ELMOD1: variants seen among roughly 807,000 people sequenced by gnomAD.
ELMOD1 encodes the protein ELMO domain containing 1.
A neutral mutation model predicts 46.7 loss-of-function variants in ELMOD1; 21 were observed. The ratio of observed to expected loss-of-function variants is 0.45; its 90% CI spans 0.32 to 0.65. The LOEUF is 0.65. Ranked by LOEUF, ELMOD1 falls within the 30% of genes least tolerant of loss-of-function variation. The pLI, the probability that ELMOD1 is intolerant of heterozygous loss-of-function variation, is 0.04. For synonymous variants in ELMOD1, 122 were observed against 138.2 expected (o/e 0.88, Z 0.82); for missense variants, 348 against 407.8 (o/e 0.85, Z 1.26).
chr11:107,650,764 C>A, intron 8 of ELMOD1, 121 bp from the exon 9 acceptor site: 1 of 700,888 alleles, frequency 1.4e-6, no homozygotes, highest in South Asian at 2.0e-5. Flanking sequence ...AAGTCAGGGA[C>A]CAAGTGAGAA....
At chr11:107,663,750 C>T (rs1866787089) in intron 11 of ELMOD1, among the ~76,000 whole-genome samples, 1 of 152,024 alleles carries the variant, frequency 6.6e-6, no homozygotes, top group Admixed American at 6.6e-5. Context: ...AGCATTTTTC[C>T]ATACATAGCT....
intron 1 of ELMOD1, among the ~76,000 whole-genome samples, chr11:107,609,377 A>C (rs903927430): frequency 6.6e-6 from 1 of 152,230 alleles, no homozygotes; most frequent in Non-Finnish European, 1.5e-5. Context: ...AAACAGTATG[A>C]GTCCACCAGC....
At chr11:107,616,135 ACAGGTGCCCAC>A (rs1252502949) in intron 1 of ELMOD1, among the ~76,000 whole-genome samples, 1 of 151,038 alleles carries the variant, frequency 6.6e-6, no homozygotes, top group African/African-American at 2.4e-5. Flanking sequence ...AGCTGGGATT[ACAGGTGCCCAC>A]CACCACACCT....
chr11:107,659,369 G>A (rs549017366), intron 11 of ELMOD1, among the ~76,000 whole-genome samples: 1 of 152,148 alleles, frequency 6.6e-6, no homozygotes, highest in Admixed American at 6.5e-5. Flanking sequence ...GCATACTGAG[G>A]GTGAGCTGTT....
At chr11:107,645,383 G>A (rs548659806) in intron 6 of ELMOD1, among the ~76,000 whole-genome samples, 104 of 152,194 alleles carry the variant, frequency 6.8e-4, no homozygotes, top group African/African-American at 2.4e-3. Context: ...GAGTGCAGTA[G>A]TGCTATCTCG....
At chr11:107,603,820 G>A (rs2135655850) in intron 1 of ELMOD1, among the ~76,000 whole-genome samples, 1 of 151,534 alleles carries the variant, frequency 6.6e-6, no homozygotes, top group South Asian at 2.1e-4. Context: ...AGAGGTTGCA[G>A]TGAACCAAGA....
chr11:107,637,792 C>T (rs553813742), intron 6 of ELMOD1, among the ~76,000 whole-genome samples: 1 of 152,264 alleles, frequency 6.6e-6, no homozygotes, highest in South Asian at 2.1e-4. Context: ...CTTATTCTAG[C>T]CATCATCTCC....
intron 11 of ELMOD1, 98 bp from the exon 12 acceptor site, chr11:107,664,927 G>T: frequency 2.7e-6 from 3 of 1,117,872 alleles, no homozygotes; most frequent in Non-Finnish European, 3.9e-6. Context: ...GGTTGCTGTG[G>T]CTTGGTTCAG....
chr11:107,661,345 T>G (rs537790483), intron 11 of ELMOD1, among the ~76,000 whole-genome samples: 1 of 152,326 alleles, frequency 6.6e-6, no homozygotes, highest in African/African-American at 2.4e-5. Context: ...ACCTTTAGAG[T>G]GAGTTGCCAA....
intron 2 of ELMOD1, among the ~76,000 whole-genome samples, chr11:107,618,552 T>C (rs191314014): frequency 5.3e-5 from 8 of 152,332 alleles, no homozygotes; most frequent in African/African-American, 1.9e-4. Flanking sequence ...ATACAATTTG[T>C]GTAAAATCAT....
In ELMOD1 at chr11:107,637,464, G is replaced by A. The variant is rs80271063; in HGVS notation, c.420+1699G>A. Among the ~76,000 whole-genome samples, 689 of 152,126 alleles carry A rather than the reference G, an allele frequency of 4.5e-3. 23 individuals carry two copies. In the East Asian group the frequency reaches 0.09, roughly 20 times the overall value. The stretch of plus-strand genomic sequence containing the variant: ...TCCCAGCACTTTGGGAGGCTGAGGC[G>A]GGTGGATCACTTGAGGTCAGGAGTT... On this transcript the variant is annotated intron_variant, in intron 6 of 11. Coordinates refer to ENST00000265840, the MANE Select transcript of ELMOD1 (RefSeq NM_018712.4).
rs1339306580 is a variant in ELMOD1, at chr11:107,592,291, C to G, written c.-86+882C>G. 5.7e-6 allele frequency: 3 copies of G among 527,246 alleles called. No homozygotes were observed. The Admixed American group carries it at 5.8e-5, about 10-fold the overall frequency. The allele number at this position is 527,246 out of a possible 1,614,324, so 32.7% of individuals were successfully genotyped here. A position where few individuals can be genotyped will look rare whatever the true frequency, so the allele number is the denominator to read the frequency against. On this transcript the variant is annotated intron_variant, in intron 1 of 11. Coordinates refer to ENST00000265840, the MANE Select transcript of ELMOD1 (RefSeq NM_018712.4). ...GCTCTGCACAGTGCCCTGAGCTTTC[C>G]ACATTTCATCCCTTTCCCCCACCAC...
intron 6 of ELMOD1, among the ~76,000 whole-genome samples, chr11:107,644,577 C>T (rs1364174416): frequency 6.6e-5 from 10 of 152,122 alleles, no homozygotes; most frequent in African/African-American, 1.9e-4. Flanking sequence ...CGGGTTCACG[C>T]CATTCTCCTG....
In ELMOD1 at chr11:107,646,798, C is replaced by T. The variant is rs536706458; in HGVS notation, c.421-670C>T. On this transcript the variant is annotated intron_variant, in intron 6 of 11. Transcript: ENST00000265840. ...TTTTTTTTTTTGGTTAATAATGCTG[C>T]TAAAAGTTTTGATATAACATTAAAG... 2.7e-5 allele frequency among the ~76,000 whole-genome samples: 4 copies of T among 150,780 alleles called. No homozygotes were observed. The South Asian group carries it at 6.3e-4, about 24-fold the overall frequency.
intron 5 of ELMOD1, among the ~76,000 whole-genome samples, chr11:107,633,064 A>C (rs779250467): frequency 3.3e-5 from 5 of 152,208 alleles, no homozygotes; most frequent in Admixed American, 6.5e-5. Flanking sequence ...TTGTATATGA[A>C]ACACAAATGA....
chr11:107,637,428 C>T (rs1381667653), intron 6 of ELMOD1, among the ~76,000 whole-genome samples: 2 of 152,286 alleles, frequency 1.3e-5, no homozygotes, highest in East Asian at 3.9e-4. Flanking sequence ...TGTGGTGGCT[C>T]ATGCCTGTAA....
Position 107,630,614 on chromosome 11 carries a change from A to T in ELMOD1, c.163+52A>T, listed in dbSNP as rs1814876164. On this transcript the variant is annotated intron_variant, in intron 3 of 11. Coordinates refer to ENST00000265840, the MANE Select transcript of ELMOD1 (RefSeq NM_018712.4). ...AAAGGTAGAGTTGGTATGATGGAAG[A>T]TACGATGTTGTCTTTCAGTGTAGTA... 4 of 1,603,708 alleles carry T rather than the reference A, an allele frequency of 2.5e-6. No individual in the cohort carries two copies. The East Asian group carries it at 8.9e-5, about 36-fold the overall frequency.
chr11:107,614,498 C>T (rs370919508), intron 1 of ELMOD1, among the ~76,000 whole-genome samples: 4 of 152,178 alleles, frequency 2.6e-5, no homozygotes, highest in African/African-American at 9.6e-5. Context: ...ACCACCACAC[C>T]CGGCTAATTT....
intron 11 of ELMOD1, among the ~76,000 whole-genome samples, chr11:107,663,625 T>A (rs144205113): frequency 1.3e-5 from 2 of 152,142 alleles, no homozygotes; most frequent in African/African-American, 2.4e-5. Flanking sequence ...GGGAAGGGTC[T>A]GTGGAAGTGG....
Sources: allele counts gnomAD v4.1 joint callset (sites outside exome capture counted in the v4.1 genomes callset), GRCh38; gene constraint gnomAD v4.1.1; transcripts MANE v1.5; gene names NCBI Gene and HGNC (gene_info 2026-07-23, HGNC 2026-07-21).